The following HSPH1 variants were observed in gnomAD, a reference collection of about 807,000 sequenced individuals.
HSPH1 encodes heat shock protein 105 kDa.
Under a neutral mutation model 100.0 loss-of-function variants are expected in HSPH1, and 40 were observed. The ratio of observed to expected loss-of-function variants is 0.40; its 90% CI spans 0.31 to 0.52. The LOEUF is 0.52. Among genes scored for constraint, HSPH1 ranks in the 20% least tolerant of loss-of-function variants. The pLI is 0.54. For missense variants in HSPH1, 876 were observed against 1,015.1 expected, an observed-to-expected ratio of 0.86 and a Z score of 1.86; for synonymous variants, 403 against 344.0, an observed-to-expected ratio of 1.17 and a Z score of -1.90.
rs779470828 is a variant in HSPH1 at position 31,161,686 on chromosome 13, G to A, written c.-104C>T. 5.2e-6 allele frequency: 8 copies of A among 1,549,570 alleles called. No individual in the cohort carries two copies. The highest frequency in any genetic ancestry group is 6.1e-6 in the Non-Finnish European group (7 of 1,154,224). ...TTCTGCCCTGGCCGCGTTCTGCTCC[G>A]GCCCGCGGGGTCTGGCCGTTCCTCT... is the stretch of plus-strand genomic sequence containing the variant. On this transcript the variant is annotated 5_prime_UTR_variant, in exon 1 of 18. Transcript: ENST00000320027.
intron 5 of HSPH1, chr13:31,152,071 T>C: frequency 5.4e-6 from 1 of 183,670 alleles, no homozygotes; most frequent in South Asian, 1.8e-4. Context: ...CACAACCTGC[T>C]AGGACACCGC....
At position 31,148,171 on chromosome 13, in the gene HSPH1, C is replaced by T. The variant is rs1163057499; in HGVS notation, c.1245-79G>A. 6 of 1,399,816 alleles carry T rather than the reference C, an allele frequency of 4.3e-6. No homozygotes were observed. The African/African-American group carries it at 4.4e-5, about 10-fold the overall frequency. The allele number at this position is 1,399,816 out of a possible 1,614,324, so 86.7% of individuals were successfully genotyped here. On this transcript the variant is annotated intron_variant, in intron 9 of 17. Transcript: ENST00000320027. ...CTGTGCTACACAAACAGAAAAGAGG[C>T]TTTCTAAAATCTTTATCAATTCTAT...
chr13:31,148,537 T>C (rs1956356236), intron 8 of HSPH1, 57 bp from the exon 9 acceptor site: 1 of 433,974 alleles, frequency 2.3e-6, no homozygotes, highest in African/African-American at 2.5e-5. Context: ...CATCTTTTAA[T>C]ATAAAACTCA....
intron 9 of HSPH1, 51 bp from the exon 10 acceptor site, chr13:31,148,143 T>G: frequency 6.5e-7 from 1 of 1,544,550 alleles, no homozygotes; most frequent in South Asian, 1.2e-5. Context: ...TAAAATATGC[T>G]TACTGTGCTA....
intron 12 of HSPH1, among the ~76,000 whole-genome samples, chr13:31,142,599 A>G (rs898012444): frequency 3.3e-5 from 5 of 152,138 alleles, no homozygotes; most frequent in African/African-American, 1.2e-4. Context: ...ACAACCTGAT[A>G]GTACCCAATT....
chr13:31,152,512 C>A (rs1003173776), intron 5 of HSPH1: 1 of 226,662 alleles, frequency 4.4e-6, no homozygotes, highest in Admixed American at 5.3e-5. Context: ...AAATCATTTA[C>A]TTATAAGCCA....
intron 7 of HSPH1, among the ~76,000 whole-genome samples, chr13:31,150,455 CT>C (rs1411121932): frequency 6.6e-6 from 1 of 152,078 alleles, no homozygotes; most frequent in Non-Finnish European, 1.5e-5. Context: ...ATTTTTCCCC[CT>C]GACACAGAGT....
intron 2 of HSPH1, among the ~76,000 whole-genome samples, chr13:31,156,325 G>C (rs1389169389): frequency 6.6e-6 from 1 of 152,050 alleles, no homozygotes; most frequent in Non-Finnish European, 1.5e-5. Flanking sequence ...AGGAGGCGGA[G>C]CTTGCAGTGA....
intron 2 of HSPH1, among the ~76,000 whole-genome samples, chr13:31,157,449 T>C (rs1019848137): frequency 5.9e-5 from 9 of 152,216 alleles, no homozygotes; most frequent in African/African-American, 2.2e-4. Context: ...TTAGAAAACA[T>C]GAAACCATTT....
chr13:31,162,291 C>T, upstream of HSPH1: 1 of 617,600 alleles, frequency 1.6e-6, no homozygotes, highest in South Asian at 1.9e-5. Flanking sequence ...CGGAGACAGA[C>T]CCCATTTTTG....
chr13:31,158,329 T>C (rs1031912197), intron 2 of HSPH1, among the ~76,000 whole-genome samples: 4 of 152,026 alleles, frequency 2.6e-5, no homozygotes, highest in Non-Finnish European at 5.9e-5. Flanking sequence ...GACAGATGGA[T>C]CACGAGCTCA....
At chr13:31,159,789 T>C (rs549639691) in intron 1 of HSPH1, among the ~76,000 whole-genome samples, 42 of 152,238 alleles carry the variant, frequency 2.8e-4, no homozygotes, top group South Asian at 2.1e-4. Flanking sequence ...TTTGCTATAA[T>C]AGAAACATCC....
At chr13:31,140,145 A>C (rs1047157381) in intron 14 of HSPH1, 39 bp downstream of exon 14, 1 of 1,581,094 alleles carries the variant, frequency 6.3e-7, no homozygotes, top group Admixed American at 1.7e-5. Flanking sequence ...AACACTTCAT[A>C]TGAGACTATC....
intron 14 of HSPH1, 70 bp downstream of exon 14, chr13:31,140,114 C>T (rs1175509246): frequency 8.7e-5 from 122 of 1,401,308 alleles, no homozygotes; most frequent in Non-Finnish European, 1.2e-4. Context: ...GCTTAAGCCT[C>T]AACTGTCAAT....
In HSPH1 at chr13:31,150,038, C is replaced by T. The variant is rs764029701; in HGVS notation, c.1053G>A (p.Lys351=). 2 of 1,613,840 alleles carry T rather than the reference C, an allele frequency of 1.2e-6. No individual in the cohort carries two copies. The highest frequency in any genetic ancestry group is 3.3e-5 in the Admixed American group (2 of 59,984). Residue 351 remains lysine, a synonymous_variant, in exon 8 of 18, where the codon AAG becomes AAA. Coordinates refer to ENST00000320027, the MANE Select transcript of HSPH1 (RefSeq NM_006644.4). ...TTCCAAAGAATTTGGCAATTCTTTC[C>T]TTCACAGCTGGAATTCGTGTAGCGC... ...VGGATRIPAV[K]ERIAKFFGKD...
At chr13:31,144,883 G>A (rs933109495) in intron 11 of HSPH1, among the ~76,000 whole-genome samples, 1 of 152,044 alleles carries the variant, frequency 6.6e-6, no homozygotes, top group East Asian at 1.9e-4. Flanking sequence ...GTTCTAGAAA[G>A]GTAACAGTGA....
At position 31,145,732 on chromosome 13, in the gene HSPH1, T is replaced by C; in HGVS notation, c.1415A>G (p.Asp472Gly). 4.3e-6 allele frequency: 7 copies of C among 1,613,594 alleles called. No individual in the cohort carries two copies. Among genetic ancestry groups the C allele is most frequent in the Non-Finnish European group, 3.4e-6 (4 of 1,179,696 alleles). Residue 472 changes from aspartate (D) to glycine (G), a missense_variant, in exon 11 of 18, where the codon GAT (aspartate) becomes GGT (glycine). Asp to Gly is a moderately conservative substitution (Grantham distance 94). Coordinates refer to ENST00000320027, the MANE Select transcript of HSPH1 (RefSeq NM_006644.4). ...GACTTTTACTCTAGATTTTTCTCCATCTTTCTGTGCAGAAACATTCTGAAC... is the reference window on the plus strand; with the variant it reads ...GACTTTTACTCTAGATTTTTCTCCACCTTTCTGTGCAGAAACATTCTGAAC... ...FVVQNVSAQK[D>G]GEKSRVKVKV...
chr13:31,139,794 G>C (rs924507788), intron 14 of HSPH1, among the ~76,000 whole-genome samples: 3 of 152,078 alleles, frequency 2.0e-5, no homozygotes, highest in African/African-American at 7.2e-5. Context: ...ACGGGGCTTA[G>C]TAAGCTCTGG....
chr13:31,140,371 A>G (rs1384932291), intron 13 of HSPH1, 62 bp from the exon 14 acceptor site: 2 of 1,509,578 alleles, frequency 1.3e-6, no homozygotes, highest in Non-Finnish European at 1.8e-6. Context: ...AATTCTAAAT[A>G]TGTAGACTCT....
Sources: allele counts gnomAD v4.1 joint callset (sites outside exome capture counted in the v4.1 genomes callset), GRCh38; gene constraint gnomAD v4.1.1; transcripts MANE v1.5; gene names NCBI Gene and HGNC (gene_info 2026-07-23, HGNC 2026-07-21).